Variants in CSMD1 observed in about 807,000 individuals in gnomAD.
CSMD1 encodes CUB and sushi domain-containing protein 1.
CSMD1 carries 213 observed loss-of-function variants against 417.5 expected under a neutral mutation model. That is an observed-to-expected ratio of 0.51 (90% CI 0.46 to 0.57). CSMD1 has a LOEUF of 0.57. Ranked by LOEUF, CSMD1 falls within the 20% of genes least tolerant of loss-of-function variation. CSMD1 has a pLI of 0.00. For synonymous variants in CSMD1, 2,862 were observed against 1,736.8 expected, an observed-to-expected ratio of 1.65 and a Z score of -16.11; for missense variants, 6,923 against 4,529.7, an observed-to-expected ratio of 1.53 and a Z score of -15.17.
chr8:3,643,243 C>G (rs1234742111), intron 7 of CSMD1, among the ~76,000 whole-genome samples: 3 of 151,424 alleles, frequency 2.0e-5, no homozygotes, highest in African/African-American at 7.3e-5. Context: ...AACAGCAGAA[C>G]AAAGACAAAG....
chr8:4,225,536 AT>A (rs1801297149), intron 3 of CSMD1, among the ~76,000 whole-genome samples: 1 of 132,308 alleles, frequency 7.6e-6, no homozygotes, highest in Non-Finnish European at 1.6e-5. Flanking sequence ...TTTTGCCTCT[AT>A]TTTTTCTTCT....
intron 3 of CSMD1, among the ~76,000 whole-genome samples, chr8:4,367,883 A>T (rs983434591): frequency 4.6e-5 from 7 of 152,094 alleles, no homozygotes; most frequent in African/African-American, 1.7e-4. Flanking sequence ...AAATGCTACT[A>T]ATTTTCGTAC....
chr8:3,223,665 A>G, intron 28 of CSMD1, 64 bp downstream of exon 28: 1 of 1,546,042 alleles, frequency 6.5e-7, no homozygotes, highest in Non-Finnish European at 8.9e-7. Flanking sequence ...GTCATAAAAG[A>G]AGTAATTTTT....
At chr8:4,533,736 G>A (rs1011443729) in intron 2 of CSMD1, among the ~76,000 whole-genome samples, 4 of 151,578 alleles carry the variant, frequency 2.6e-5, no homozygotes, top group Non-Finnish European at 5.9e-5. Context: ...AAAATACAAT[G>A]GAATTAGCAA....
At position 3,594,064 on chromosome 8, in the gene CSMD1, A is replaced by C. The variant is rs181723037; in HGVS notation, c.1098-7804T>G. The stretch of plus-strand genomic sequence containing the variant: ...GAAAAGGAATGAGAGAGGAAAAACC[A>C]ACCAGAACACCTCCAATATCTAATA... On this transcript the variant is annotated intron_variant, in intron 8 of 69. Coordinates refer to ENST00000635120, the MANE Select transcript of CSMD1 (RefSeq NM_033225.6). 3.0e-3 allele frequency among the ~76,000 whole-genome samples: 462 copies of C among 152,302 alleles called. 4 individuals are homozygous for C. Among genetic ancestry groups the C allele is most frequent in the African/African-American group, 0.011 (441 of 41,568 alleles).
intron 1 of CSMD1, among the ~76,000 whole-genome samples, chr8:4,643,658 A>G (rs375153282): frequency 3.9e-5 from 6 of 152,360 alleles, no homozygotes; most frequent in East Asian, 3.9e-4. Flanking sequence ...TCAGATTTCA[A>G]TGAAGGAAGT....
chr8:3,262,230 T>TATATATATATATATATATACAC (rs770901446), intron 26 of CSMD1, among the ~76,000 whole-genome samples: 1 of 95,684 alleles, frequency 1.0e-5, no homozygotes, highest in Non-Finnish European at 2.0e-5. Flanking sequence ...TATATATATA[T>TATATATATATATATATATACAC]ACACACACAT....
chr8:3,843,564 C>T (rs77049072), intron 5 of CSMD1, among the ~76,000 whole-genome samples: 2,356 of 152,086 alleles, frequency 0.015, 46 homozygotes, highest in African/African-American at 0.053. Context: ...ATTCACGATG[C>T]TTTTATGTCA....
intron 3 of CSMD1, among the ~76,000 whole-genome samples, chr8:4,263,638 T>A (rs964697870): frequency 6.6e-6 from 1 of 152,166 alleles, no homozygotes; most frequent in Non-Finnish European, 1.5e-5. Flanking sequence ...AACCATATCA[T>A]CTTAGCAATA....
intron 5 of CSMD1, among the ~76,000 whole-genome samples, chr8:3,928,583 C>T (rs946371786): frequency 7.3e-6 from 1 of 137,434 alleles, no homozygotes; most frequent in African/African-American, 2.7e-5. Context: ...CAAGTAGTTC[C>T]ATCCACCAAT....
intron 2 of CSMD1, among the ~76,000 whole-genome samples, chr8:4,456,458 G>A (rs935202529): frequency 5.9e-5 from 9 of 152,204 alleles, no homozygotes; most frequent in Admixed American, 1.3e-4. Flanking sequence ...TATTCTTAAC[G>A]AAAATCACCA....
intron 1 of CSMD1, among the ~76,000 whole-genome samples, chr8:4,658,573 C>G (rs1393309323): frequency 6.6e-6 from 1 of 152,052 alleles, no homozygotes; most frequent in Non-Finnish European, 1.5e-5. Context: ...AATATATTCA[C>G]AAATTTTTAA....
At chr8:3,904,650 T>TC (rs1327606090) in intron 5 of CSMD1, among the ~76,000 whole-genome samples, 2 of 151,082 alleles carry the variant, frequency 1.3e-5, no homozygotes, top group Admixed American at 6.6e-5. Context: ...TTTTTTTTTT[T>TC]TTTTGAGATG....
At chr8:3,693,370 A>T (rs1188836904) in intron 7 of CSMD1, among the ~76,000 whole-genome samples, 1 of 152,106 alleles carries the variant, frequency 6.6e-6, no homozygotes, top group African/African-American at 2.4e-5. Context: ...ATAAAATCCG[A>T]GTAATGTGGA....
chr8:4,184,787 T>A (rs1230207927), intron 3 of CSMD1, among the ~76,000 whole-genome samples: 1 of 148,958 alleles, frequency 6.7e-6, no homozygotes, highest in Non-Finnish European at 1.5e-5. Flanking sequence ...TACCACAACC[T>A]GTGACACAGG....
intron 1 of CSMD1, among the ~76,000 whole-genome samples, chr8:4,867,889 C>T (rs1802510103): frequency 1.3e-5 from 2 of 151,962 alleles, no homozygotes; most frequent in Admixed American, 6.6e-5. Context: ...AAATATGTTG[C>T]CACAAGACAC....
At chr8:4,077,650 G>T (rs961896958) in intron 3 of CSMD1, among the ~76,000 whole-genome samples, 4 of 151,926 alleles carry the variant, frequency 2.6e-5, no homozygotes, top group African/African-American at 7.3e-5. Context: ...GTGACAAAAG[G>T]GAGGTATATT....
chr8:3,150,239 CA>C, intron 40 of CSMD1, among the ~76,000 whole-genome samples: 1 of 152,324 alleles, frequency 6.6e-6, no homozygotes, highest in Middle Eastern at 3.4e-3. Context: ...AATCCTTCCA[CA>C]GAGTCTCTCC....
intron 5 of CSMD1, among the ~76,000 whole-genome samples, chr8:3,849,357 G>T (rs1439307087): frequency 6.6e-6 from 1 of 152,010 alleles, no homozygotes; most frequent in African/African-American, 2.4e-5. Flanking sequence ...AGAGAGGTGG[G>T]GTCCACTACC....
Sources: gnomAD v4.1 joint callset for allele counts (sites outside exome capture counted in the v4.1 genomes callset) on GRCh38, gnomAD v4.1.1 for gene constraint, MANE v1.5 for transcripts, NCBI Gene and HGNC (gene_info 2026-07-23, HGNC 2026-07-21) for gene names.